ULK2: variants seen among roughly 807,000 people sequenced by gnomAD.
ULK2 encodes the protein serine/threonine-protein kinase ULK2.
A neutral mutation model predicts 127.5 loss-of-function variants in ULK2; 76 were observed. The observed-to-expected ratio is 0.60, with a 90% CI of 0.50 to 0.72. The LOEUF (loss-of-function observed/expected upper bound fraction) is 0.72. ULK2 is among the 30% of genes least tolerant of loss of function. The pLI, the probability that ULK2 is intolerant of heterozygous loss-of-function variation, is 0.00. For synonymous variants in ULK2, 452 were observed against 461.9 expected (o/e 0.98, Z 0.28); for missense variants, 1,144 against 1,295.9 (o/e 0.88, Z 1.80).
At chr17:19,852,078 A>G (rs1199971343) in intron 3 of ULK2, among the ~76,000 whole-genome samples, 2 of 149,828 alleles carry the variant, frequency 1.3e-5, no homozygotes, top group Admixed American at 6.7e-5. Flanking sequence ...TACAAAAATT[A>G]GCTGGGCAGT....
At chr17:19,828,326 C>T (rs1267017543) in intron 10 of ULK2, among the ~76,000 whole-genome samples, 1 of 152,180 alleles carries the variant, frequency 6.6e-6, no homozygotes, top group African/African-American at 2.4e-5. Flanking sequence ...ACATGAAGAT[C>T]TCCGGAAAAG....
chr17:19,783,797 G>A lies in ULK2; in HGVS notation c.2360C>T (p.Ala787Val). The part of the protein sequence containing the change: ...FGSSPPGAEA[A>V]PSLRYVPYGA... ...GTAAGGCACGTATCTCAGGCTGGGA[G>A]CTGCCTCTGCTCCTGGAGGGGAAGA... Residue 787 changes from alanine (A) to valine (V), a missense_variant, in exon 22 of 27, where the codon GCT becomes GTT. Physicochemically the swap from Ala to Val is moderately conservative, Grantham distance 64 (BLOSUM62 0). Around this residue, in one of 2 missense-constraint regions of ULK2, gnomAD observed 913 missense variants for 970.5 expected, o/e 0.94. Coordinates refer to ENST00000395544, the MANE Select transcript of ULK2 (RefSeq NM_014683.4). 6.2e-7 allele frequency: 1 copy of A among 1,604,484 alleles called. No individual in the cohort carries two copies. Among genetic ancestry groups the A allele is most frequent in the Non-Finnish European group, 8.5e-7 (1 of 1,175,304 alleles).
At position 19,771,030 on chromosome 17, in the gene ULK2, G is replaced by A. The variant is rs976385362; in HGVS notation, c.*5319C>T. The A allele has an allele frequency of 6.6e-6, 1 of 152,172 alleles. No individual in the cohort carries two copies. Among genetic ancestry groups the A allele is most frequent in the Non-Finnish European group, 1.5e-5 (1 of 68,064 alleles). The allele number at this position is 152,172 out of a possible 1,614,324, so 9.4% of individuals were successfully genotyped here. ...GATGGGTCCAGCAGGAGACATTGGA[G>A]CACCAAATGGAAAAGCTCTTCCTTC... On this transcript the variant is annotated 3_prime_UTR_variant, in exon 27 of 27. Coordinates refer to ENST00000395544, the MANE Select transcript of ULK2 (RefSeq NM_014683.4).
intron 3 of ULK2, among the ~76,000 whole-genome samples, chr17:19,855,053 GT>G (rs1304867984): frequency 1.4e-5 from 2 of 147,890 alleles, no homozygotes; most frequent in East Asian, 4.0e-4. Flanking sequence ...TGAGCTGAGA[GT>G]GCGCCACTGT....
At chr17:19,796,596 T>C (rs1210861143) in intron 18 of ULK2, among the ~76,000 whole-genome samples, 3 of 152,200 alleles carry the variant, frequency 2.0e-5, no homozygotes, top group African/African-American at 7.2e-5. Flanking sequence ...TAATCATCCA[T>C]GCACAATTAC....
At chr17:19,853,575 CT>C (rs112448802) in intron 3 of ULK2, among the ~76,000 whole-genome samples, 15,728 of 143,842 alleles carry the variant, frequency 0.11, 1,459 homozygotes, top group East Asian at 0.39. Context: ...GCCCCACCTT[CT>C]TTTTTTTTTT....
chr17:19,841,391 A>G lies in ULK2; in HGVS notation c.704+98T>C, dbSNP rs2041751440. 14 of 1,240,042 alleles carry G rather than the reference A, an allele frequency of 1.1e-5. No homozygotes were observed. In the South Asian group the frequency reaches 1.8e-4, roughly 16 times the overall value. 76.8% of individuals were successfully genotyped at this position (1,240,042 alleles called of 1,614,324 possible). ...CAAATGCTTTCACATTATCAACTGA[A>G]AAAGAATTAAAAAATGAGAATACAC... On this transcript the variant is annotated intron_variant, in intron 9 of 26. Coordinates refer to ENST00000395544, the MANE Select transcript of ULK2 (RefSeq NM_014683.4).
rs577649824 is a variant in ULK2, at chr17:19,801,995, C to T, written c.1296-73G>A. 5.0e-5 allele frequency: 74 copies of T among 1,493,758 alleles called. No individual in the cohort carries two copies. The South Asian group carries it at 9.7e-4, about 20-fold the overall frequency. 92.5% of individuals were successfully genotyped at this position (1,493,758 alleles called of 1,614,324 possible). ...TTATTCCTGCATTTTCTGAAACTTC[C>T]TAACAATATGCCACGGAGTAGTTTT... is the stretch of plus-strand genomic sequence containing the variant. On this transcript the variant is annotated intron_variant, in intron 15 of 26. Coordinates refer to ENST00000395544, the MANE Select transcript of ULK2 (RefSeq NM_014683.4).
At chr17:19,795,958 G>T in intron 19 of ULK2, 137 bp downstream of exon 19, 1 of 1,238,170 alleles carries the variant, frequency 8.1e-7, no homozygotes, top group Non-Finnish European at 1.1e-6. Context: ...GATTCTAAAT[G>T]TACGTGGTAC....
intron 3 of ULK2, among the ~76,000 whole-genome samples, chr17:19,857,307 CA>C (rs11351804): frequency 0.19 from 13,593 of 72,906 alleles, 769 homozygotes; most frequent in East Asian, 0.46. Context: ...GACTCTGTCT[CA>C]AAAAAAAAAA....
At chr17:19,792,309 A>C (rs1023883321) in intron 20 of ULK2, among the ~76,000 whole-genome samples, 1 of 152,242 alleles carries the variant, frequency 6.6e-6, no homozygotes, top group Non-Finnish European at 1.5e-5. Context: ...AAAGATAAAT[A>C]AAATTGACAA....
intron 10 of ULK2, among the ~76,000 whole-genome samples, chr17:19,835,236 G>A (rs2041563422): frequency 6.7e-6 from 1 of 150,146 alleles, no homozygotes; most frequent in Non-Finnish European, 1.5e-5. Flanking sequence ...TGCAAGCTCC[G>A]CCTCCCAGGT....
intron 20 of ULK2, among the ~76,000 whole-genome samples, chr17:19,792,303 A>T (rs975637876): frequency 6.6e-6 from 1 of 152,232 alleles, no homozygotes; most frequent in African/African-American, 2.4e-5. Context: ...TATTGAAAAG[A>T]TAAATAAAAT....
At position 19,867,327 on chromosome 17, in the gene ULK2, C is replaced by T. The variant is rs761081306; in HGVS notation, c.90+1G>A. 6.3e-7 allele frequency: 1 copy of T among 1,589,444 alleles called. No individual in the cohort carries two copies. The highest frequency in any genetic ancestry group is 8.5e-7 in the Non-Finnish European group (1 of 1,169,994). ...CCGGCCTCGCCCCGGCCGGCGCTCA[C>T]CTGGCGGTGCCGCCCCCGGAAGACC... On this transcript the variant is annotated splice_donor_variant, in intron 1 of 26. Coordinates refer to ENST00000395544, the MANE Select transcript of ULK2 (RefSeq NM_014683.4). LOFTEE classifies it high-confidence loss of function.
rs773540099 is a variant in ULK2, at chr17:19,825,101, G to A, written c.917C>T (p.Ser306Phe). The A allele has an allele frequency of 6.2e-7, 1 of 1,614,066 alleles. No individual in the cohort carries two copies. ...TAATAAACTGTAACTTACTGGTGGA[G>A]AAGCAAAACGACAAGATGGAGAGCT... ...CGSSPSCRFA[S>F]PPSLPDMQHI... The change falls in exon 12 of 27, where the codon TCT becomes TTT. Residue 306 changes from serine to phenylalanine, a missense_variant. Coordinates refer to ENST00000395544, the MANE Select transcript of ULK2 (RefSeq NM_014683.4).
At chr17:19,836,884 G>A (rs561079340) in intron 10 of ULK2, among the ~76,000 whole-genome samples, 45 of 151,932 alleles carry the variant, frequency 3.0e-4, no homozygotes, top group African/African-American at 8.9e-4. Flanking sequence ...CAGCCTGGGC[G>A]ACAGAGCGAG....
At chr17:19,825,844 G>A (rs1285716091) in intron 11 of ULK2, among the ~76,000 whole-genome samples, 24 of 151,084 alleles carry the variant, frequency 1.6e-4, no homozygotes, top group Admixed American at 1.5e-3. Flanking sequence ...AAATTAGCCG[G>A]GCATGGTGGC....
intron 20 of ULK2, among the ~76,000 whole-genome samples, chr17:19,789,883 C>A (rs1339656462): frequency 8.5e-6 from 1 of 117,130 alleles, no homozygotes; most frequent in Non-Finnish European, 1.9e-5. Flanking sequence ...AAGAATGAAG[C>A]AAGCCTACAA....
chr17:19,841,416 C>T (rs2152396989), intron 9 of ULK2, 73 bp downstream of exon 9: 2 of 1,404,068 alleles, frequency 1.4e-6, no homozygotes, highest in East Asian at 2.4e-5. Flanking sequence ...TGAGAATACA[C>T]AAAACACAAA....
Sources: allele counts gnomAD v4.1 joint callset (sites outside exome capture counted in the v4.1 genomes callset), GRCh38; gene constraint gnomAD v4.1.1; regional missense constraint gnomAD v4.1.1; transcripts MANE v1.5; gene names NCBI Gene and HGNC (gene_info 2026-07-23, HGNC 2026-07-21).